Variants in SLC9A9 observed in about 807,000 individuals in gnomAD.
The protein encoded by SLC9A9 is solute carrier family 9 member A9, also known as sodium/hydrogen exchanger 9.
Under a neutral mutation model 77.8 loss-of-function variants are expected in SLC9A9, and 62 were observed. That is an observed-to-expected ratio of 0.80 (90% CI 0.65 to 0.98). The LOEUF is 0.98. Ranked by LOEUF, SLC9A9 falls within the 50% of genes least tolerant of loss-of-function variation. SLC9A9 has a pLI of 0.00. For synonymous variants in SLC9A9, 320 were observed against 283.5 expected (o/e 1.13, Z -1.29); for missense variants, 775 against 774.9 (o/e 1.00, Z 0.00).
intron 14 of SLC9A9, among the ~76,000 whole-genome samples, chr3:143,292,746 C>T (rs773654637): frequency 6.6e-6 from 1 of 152,040 alleles, no homozygotes. Flanking sequence ...GTGTGGACAC[C>T]TCGGAAGAGA....
chr3:143,530,392 G>A (rs965395681), intron 9 of SLC9A9, among the ~76,000 whole-genome samples: 1 of 152,120 alleles, frequency 6.6e-6, no homozygotes, highest in Non-Finnish European at 1.5e-5. Context: ...CCTTTCGCTT[G>A]GCTATCATTC....
intron 13 of SLC9A9, among the ~76,000 whole-genome samples, chr3:143,378,420 A>G (rs2033230580): frequency 6.6e-6 from 1 of 152,202 alleles, no homozygotes; most frequent in Non-Finnish European, 1.5e-5. Context: ...AATGCAGATA[A>G]TTATAGTACC....
intron 4 of SLC9A9, among the ~76,000 whole-genome samples, chr3:143,711,140 C>T (rs745466148): frequency 2.6e-5 from 4 of 152,160 alleles, no homozygotes; most frequent in Non-Finnish European, 4.4e-5. Flanking sequence ...GGTTTTCAAC[C>T]ACATAAATAT....
chr3:143,269,074 T>A, intron 14 of SLC9A9, 94 bp from the exon 15 acceptor site: 1 of 922,634 alleles, frequency 1.1e-6, no homozygotes, highest in Non-Finnish European at 1.8e-6. Context: ...CAGCTACGTT[T>A]GCCTTTAAAT....
chr3:143,393,489 G>A (rs1424260496), intron 12 of SLC9A9, among the ~76,000 whole-genome samples: 3 of 152,094 alleles, frequency 2.0e-5, no homozygotes, highest in African/African-American at 7.2e-5. Context: ...ATGCCTACAA[G>A]AAAAAGGAGG....
chr3:143,637,848 A>G (rs535914734), intron 6 of SLC9A9, among the ~76,000 whole-genome samples: 2 of 152,190 alleles, frequency 1.3e-5, no homozygotes, highest in Non-Finnish European at 2.9e-5. Flanking sequence ...TTCTCCATGG[A>G]GAAGTAAAAC....
At chr3:143,735,828 C>T (rs1156891219) in intron 4 of SLC9A9, among the ~76,000 whole-genome samples, 2 of 152,180 alleles carry the variant, frequency 1.3e-5, no homozygotes, top group African/African-American at 4.8e-5. Context: ...CAAGTCCTTG[C>T]TCTGCTATTT....
intron 4 of SLC9A9, among the ~76,000 whole-genome samples, chr3:143,707,570 G>T (rs1462684194): frequency 6.6e-6 from 1 of 152,150 alleles, no homozygotes; most frequent in Non-Finnish European, 1.5e-5. Flanking sequence ...CAATTACTAT[G>T]TTCATTGTTC....
intron 12 of SLC9A9, among the ~76,000 whole-genome samples, chr3:143,404,597 T>C (rs1244711441): frequency 6.6e-6 from 1 of 152,158 alleles, no homozygotes; most frequent in Non-Finnish European, 1.5e-5. Context: ...ACACATACTC[T>C]TTTTTCCCCC....
At chr3:143,363,063 G>A (rs1400015437) in intron 14 of SLC9A9, among the ~76,000 whole-genome samples, 1 of 152,142 alleles carries the variant, frequency 6.6e-6, no homozygotes, top group East Asian at 1.9e-4. Flanking sequence ...CACACAAATG[G>A]GTTCCTGGGA....
chr3:143,684,758 T>C (rs55886550), intron 5 of SLC9A9, among the ~76,000 whole-genome samples: 63,605 of 151,846 alleles, frequency 0.42, 13,608 homozygotes, highest in South Asian at 0.61. Context: ...TTGAATCATA[T>C]AGATATTTAC....
Position 143,807,048 on chromosome 3 carries a change from G to T in SLC9A9, c.379-10145C>A, listed in dbSNP as rs558750090. ...CTGGCTCTCCGAGGAAGTGAAATTA[G>T]AGCTGAGATCCAAAGGCAGAAATGT... On this transcript the variant is annotated intron_variant, in intron 2 of 15. Transcript: ENST00000316549. Among the ~76,000 whole-genome samples, 3 of 152,276 alleles carry T rather than the reference G, an allele frequency of 2.0e-5. No individual in the cohort carries two copies. The South Asian group carries it at 6.2e-4, about 32-fold the overall frequency.
intron 12 of SLC9A9, among the ~76,000 whole-genome samples, chr3:143,455,990 T>C (rs2035084225): frequency 6.6e-6 from 1 of 152,070 alleles, no homozygotes; most frequent in Non-Finnish European, 1.5e-5. Context: ...TCATTCTTAA[T>C]ATTAGGGAGA....
At chr3:143,559,347 C>A (rs977120156) in intron 8 of SLC9A9, among the ~76,000 whole-genome samples, 10 of 152,334 alleles carry the variant, frequency 6.6e-5, no homozygotes, top group African/African-American at 2.4e-4. Context: ...TCCCATAATC[C>A]TTCCAAAACA....
At chr3:143,315,037 T>C (rs940201934) in intron 14 of SLC9A9, among the ~76,000 whole-genome samples, 5 of 152,232 alleles carry the variant, frequency 3.3e-5, no homozygotes, top group African/African-American at 1.2e-4. Context: ...GAGTTGAGTC[T>C]AATTCACAGA....
intron 4 of SLC9A9, among the ~76,000 whole-genome samples, chr3:143,728,729 C>T (rs62268867): frequency 0.067 from 10,165 of 151,826 alleles, 478 homozygotes; most frequent in Non-Finnish European, 0.1. Context: ...GCAGTGAGGA[C>T]GTTAAGGGGA....
intron 4 of SLC9A9, among the ~76,000 whole-genome samples, chr3:143,773,456 G>C (rs1470271035): frequency 6.6e-6 from 1 of 151,080 alleles, no homozygotes; most frequent in East Asian, 1.9e-4. Flanking sequence ...TTTATATGTT[G>C]GTATGTTTAT....
intron 9 of SLC9A9, among the ~76,000 whole-genome samples, chr3:143,513,893 G>A (rs144984784): frequency 0.012 from 1,784 of 152,240 alleles, 39 homozygotes; most frequent in African/African-American, 0.04. Flanking sequence ...GTGCAGGTTT[G>A]TTACATATGT....
intron 2 of SLC9A9, among the ~76,000 whole-genome samples, chr3:143,809,395 A>G (rs1345607991): frequency 1.3e-5 from 2 of 152,244 alleles, no homozygotes; most frequent in African/African-American, 4.8e-5. Flanking sequence ...TGTGTATACA[A>G]AACAGATTTG....
Sources: gnomAD v4.1 joint callset for allele counts (sites outside exome capture counted in the v4.1 genomes callset) on GRCh38, gnomAD v4.1.1 for gene constraint, MANE v1.5 for transcripts, NCBI Gene and HGNC (gene_info 2026-07-23, HGNC 2026-07-21) for gene names.